The following GRM8 variants were observed in gnomAD, a reference collection of about 807,000 sequenced individuals.
GRM8 encodes metabotropic glutamate receptor 8.
In GRM8, 47 loss-of-function variants were observed where a neutral mutation model predicts 87.2. The ratio of observed to expected loss-of-function variants is 0.54; its 90% CI spans 0.43 to 0.69. GRM8 has a LOEUF of 0.69. Among genes scored for constraint, GRM8 ranks in the 30% least tolerant of loss-of-function variants. GRM8 has a pLI of 0.00. For synonymous variants in GRM8, 396 were observed against 404.5 expected (o/e 0.98, Z 0.25); for missense variants, 1,019 against 1,139.2 (o/e 0.89, Z 1.52).
chr7:126,982,131 G>T (rs116021654), intron 3 of GRM8, among the ~76,000 whole-genome samples: 1 of 152,180 alleles, frequency 6.6e-6, no homozygotes, highest in Non-Finnish European at 1.5e-5. Flanking sequence ...GCAGTCCGAC[G>T]TTCAAGGGCA....
chr7:126,647,382 T>C (rs1166947339), intron 7 of GRM8, among the ~76,000 whole-genome samples: 1 of 151,040 alleles, frequency 6.6e-6, no homozygotes, highest in East Asian at 1.9e-4. Context: ...TATAAATATA[T>C]CTATTTATAT....
At chr7:126,986,149 G>A (rs942294463) in intron 3 of GRM8, among the ~76,000 whole-genome samples, 1 of 151,920 alleles carries the variant, frequency 6.6e-6, no homozygotes, top group African/African-American at 2.4e-5. Context: ...GAGTAGCTGG[G>A]ACTAAAAGCA....
In GRM8 at chr7:126,549,151, T is replaced by C. The variant is rs560739483; in HGVS notation, c.1495-15264A>G. On this transcript the variant is annotated intron_variant, in intron 8 of 10. Coordinates refer to ENST00000339582, the MANE Select transcript of GRM8 (RefSeq NM_000845.3). ...GACATGGAAAATATAATGGAAAATA[T>C]GGAAGAAAAGAGAAGACAGAGGCTA... Among the ~76,000 whole-genome samples the C allele has an allele frequency of 3.3e-5, 5 of 152,008 alleles. No individual in the cohort carries two copies. In the South Asian group the frequency reaches 6.2e-4, roughly 19 times the overall value.
intron 8 of GRM8, among the ~76,000 whole-genome samples, chr7:126,551,129 C>T (rs891185378): frequency 6.6e-6 from 1 of 152,090 alleles, no homozygotes; most frequent in Admixed American, 6.5e-5. Context: ...TAGTTGTATT[C>T]TTTAACTGCT....
intron 6 of GRM8, among the ~76,000 whole-genome samples, chr7:126,849,652 T>A (rs1423313934): frequency 6.6e-6 from 1 of 152,156 alleles, no homozygotes; most frequent in African/African-American, 2.4e-5. Context: ...GAACCTCAAA[T>A]ATTTCCTCTC....
At chr7:126,667,434 G>C (rs1014287977) in intron 7 of GRM8, among the ~76,000 whole-genome samples, 1 of 152,188 alleles carries the variant, frequency 6.6e-6, no homozygotes, top group African/African-American at 2.4e-5. Context: ...TGCTTGAGTA[G>C]TCTTTCTTTG....
chr7:127,089,968 C>T (rs747806643), intron 3 of GRM8, among the ~76,000 whole-genome samples: 19 of 152,298 alleles, frequency 1.2e-4, no homozygotes, highest in South Asian at 2.1e-4. Context: ...ACACAAACTG[C>T]GGTTGGCCAA....
At chr7:127,074,317 A>G (rs1005528920) in intron 3 of GRM8, among the ~76,000 whole-genome samples, 17 of 152,174 alleles carry the variant, frequency 1.1e-4, no homozygotes, top group Admixed American at 7.9e-4. Context: ...CACATAGTCA[A>G]TGTTTTACAT....
intron 2 of GRM8, among the ~76,000 whole-genome samples, chr7:127,144,560 T>C (rs1274828988): frequency 1.3e-5 from 2 of 152,140 alleles, no homozygotes; most frequent in Admixed American, 1.3e-4. Context: ...ATCATGACCA[T>C]TGTTAAAAGA....
At chr7:127,058,088 G>T (rs375234833) in intron 3 of GRM8, 19 of 485,630 alleles carry the variant, frequency 3.9e-5, no homozygotes, top group Admixed American at 6.6e-5. Flanking sequence ...TTTAACTGGC[G>T]TTGTGACGTC....
At chr7:126,945,229 T>G (rs1349684152) in intron 3 of GRM8, among the ~76,000 whole-genome samples, 1 of 152,174 alleles carries the variant, frequency 6.6e-6, no homozygotes, top group Non-Finnish European at 1.5e-5. Context: ...AATAAGCAAT[T>G]AATAAATACA....
At chr7:126,587,300 C>A (rs1440807081) in intron 8 of GRM8, among the ~76,000 whole-genome samples, 1 of 152,124 alleles carries the variant, frequency 6.6e-6, no homozygotes, top group East Asian at 1.9e-4. Context: ...CTAGAAATAC[C>A]ATTTGACCCA....
chr7:126,508,153 T>C (rs1810771319), intron 9 of GRM8, among the ~76,000 whole-genome samples: 1 of 152,042 alleles, frequency 6.6e-6, no homozygotes, highest in Non-Finnish European at 1.5e-5. Flanking sequence ...TTTATACCTT[T>C]GTATATTATA....
intron 7 of GRM8, among the ~76,000 whole-genome samples, chr7:126,636,229 T>C (rs1202618649): frequency 1.3e-5 from 2 of 152,064 alleles, no homozygotes; most frequent in Admixed American, 6.6e-5. Flanking sequence ...AAAATACATA[T>C]TTTGTATTTT....
chr7:126,998,721 T>C (rs1215338100), intron 3 of GRM8, among the ~76,000 whole-genome samples: 1 of 151,576 alleles, frequency 6.6e-6, no homozygotes, highest in Non-Finnish European at 1.5e-5. Flanking sequence ...AAAAAAACTC[T>C]ACAATGAAAA....
Position 126,552,221 on chromosome 7 carries a change from T to C in GRM8, c.1495-18334A>G, listed in dbSNP as rs79728927. 2.1e-3 allele frequency among the ~76,000 whole-genome samples: 324 copies of C among 152,254 alleles called. 3 individuals carry two copies. The highest frequency in any genetic ancestry group is 7.2e-3 in the African/African-American group (299 of 41,568). On this transcript the variant is annotated intron_variant, in intron 8 of 10. Transcript: ENST00000339582. Reference sequence around the variant, plus strand: ...CATGCAATTTTGTTGGTATCATTTGTATGATAATTTCATTATGCTCCTATA... The same window carrying C: ...CATGCAATTTTGTTGGTATCATTTGCATGATAATTTCATTATGCTCCTATA...
intron 2 of GRM8, among the ~76,000 whole-genome samples, chr7:127,208,456 C>G (rs545778269): frequency 6.6e-6 from 1 of 152,294 alleles, no homozygotes; most frequent in Non-Finnish European, 1.5e-5. Flanking sequence ...GGCTATAACC[C>G]TTTATAAGAA....
At chr7:126,527,116 T>C (rs1413090666) in intron 9 of GRM8, among the ~76,000 whole-genome samples, 3 of 152,204 alleles carry the variant, frequency 2.0e-5, no homozygotes, top group Non-Finnish European at 4.4e-5. Flanking sequence ...CCCAGCACTT[T>C]GGGAGGCCGA....
intron 2 of GRM8, among the ~76,000 whole-genome samples, chr7:127,173,573 C>A (rs749625113): frequency 1.3e-5 from 2 of 152,168 alleles, no homozygotes; most frequent in African/African-American, 2.4e-5. Context: ...AAACAGGGAA[C>A]CACTGCAGGG....
Sources: gnomAD v4.1 joint callset for allele counts (sites outside exome capture counted in the v4.1 genomes callset) on GRCh38, gnomAD v4.1.1 for gene constraint, MANE v1.5 for transcripts, NCBI Gene and HGNC (gene_info 2026-07-23, HGNC 2026-07-21) for gene names.